LMF1: variants seen among roughly 807,000 people sequenced by gnomAD.
LMF1 encodes lipase maturation factor 1.
In LMF1, 68 loss-of-function variants were observed where a neutral mutation model predicts 60.6. The ratio of observed to expected loss-of-function variants is 1.12; its 90% CI spans 0.92 to 1.37. LMF1 has a LOEUF of 1.37. LMF1 is among the 40% of genes most tolerant of loss of function. LMF1 has a pLI of 0.00. For missense variants in LMF1, 948 were observed against 767.2 expected, an observed-to-expected ratio of 1.24 and a Z score of -2.78; for synonymous variants, 418 against 324.7, an observed-to-expected ratio of 1.29 and a Z score of -3.09.
chr16:922,563 G>C (rs1238290038), intron 3 of LMF1, among the ~76,000 whole-genome samples: 2 of 150,346 alleles, frequency 1.3e-5, no homozygotes, highest in African/African-American at 2.4e-5. Context: ...GTGTCGTGTT[G>C]TTGCGAAGGC....
intron 3 of LMF1, among the ~76,000 whole-genome samples, chr16:930,467 G>C (rs1010826633): frequency 6.6e-6 from 1 of 151,914 alleles, no homozygotes; most frequent in Non-Finnish European, 1.5e-5. Flanking sequence ...AGGCTGAGGC[G>C]GGAGGATCGC....
At chr16:937,454 T>C (rs9328932) in intron 2 of LMF1, among the ~76,000 whole-genome samples, 72,405 of 151,984 alleles carry the variant, frequency 0.48, 18,897 homozygotes, top group African/African-American at 0.69. Context: ...CCTGTGAGCC[T>C]CCACACCTGA....
intron 5 of LMF1, among the ~76,000 whole-genome samples, chr16:880,424 C>T (rs1280919495): frequency 6.6e-6 from 1 of 152,220 alleles, no homozygotes; most frequent in African/African-American, 2.4e-5. Flanking sequence ...GTGATCCCAG[C>T]ACTTTGGGAG....
upstream of LMF1, chr16:975,677 T>G: frequency 2.5e-6 from 1 of 395,196 alleles, no homozygotes; most frequent in Non-Finnish European, 5.0e-6. Context: ...TGCTCCCACT[T>G]TGCCCCTCGT....
rs894328958 is a variant in LMF1 at position 879,282 on chromosome 16, G to A, written c.897+288C>T. 5.9e-5 allele frequency among the ~76,000 whole-genome samples: 9 copies of A among 152,206 alleles called. No individual in the cohort carries two copies. The East Asian group carries it at 7.7e-4, about 13-fold the overall frequency. The stretch of plus-strand genomic sequence containing the variant: ...CACAGGGCCTTGGCGTGCTGACCCC[G>A]TCCCACTGCCGAGCCCAGGACATGG... On this transcript the variant is annotated intron_variant, in intron 6 of 10. Coordinates refer to ENST00000262301, the MANE Select transcript of LMF1 (RefSeq NM_022773.4).
chr16:855,853 G>C lies in LMF1; in HGVS notation c.1530-1147C>G, dbSNP rs902353564. On this transcript the variant is annotated intron_variant, in intron 10 of 10. Coordinates refer to ENST00000262301, the MANE Select transcript of LMF1 (RefSeq NM_022773.4). ...GGTGACCTGCACACAGCTGTGCTCTGGGGGCTGGGGGTGGAGACCTTGGGC... is the reference window on the plus strand; with the variant it reads ...GGTGACCTGCACACAGCTGTGCTCTCGGGGCTGGGGGTGGAGACCTTGGGC... The C allele has an allele frequency of 1.1e-5, 5 of 456,006 alleles. No individual in the cohort carries two copies. The Admixed American group carries it at 1.2e-4, about 11-fold the overall frequency. The allele number at this position is 456,006 out of a possible 1,614,324, so 28.2% of individuals were successfully genotyped here. A position where few individuals can be genotyped will look rare whatever the true frequency, so the allele number is the denominator to read the frequency against.
upstream of LMF1, among the ~76,000 whole-genome samples, chr16:975,016 A>AC (rs149234002): frequency 0.05 from 7,622 of 152,184 alleles, 207 homozygotes; most frequent in Non-Finnish European, 0.066. Flanking sequence ...CCAGCGGCCA[A>AC]CCCCCCCACC....
chr16:854,813 C>G (rs2069143873), intron 10 of LMF1, 107 bp from the exon 11 acceptor site: 2 of 1,068,912 alleles, frequency 1.9e-6, no homozygotes, highest in East Asian at 5.2e-5. Context: ...CCCCCACGGA[C>G]AGAGGGGCTG....
chr16:894,570 A>G (rs1003698763), intron 4 of LMF1, among the ~76,000 whole-genome samples: 5 of 152,170 alleles, frequency 3.3e-5, no homozygotes, highest in African/African-American at 1.2e-4. Flanking sequence ...GACAAGGCGC[A>G]GAGAGGAAGG....
rs1313278769 is a variant in LMF1, at chr16:853,683, C to T, written c.*849G>A. 1 of 454,094 alleles carries T rather than the reference C, an allele frequency of 2.2e-6. No homozygotes were observed. The highest frequency in any genetic ancestry group is 4.4e-6 in the Non-Finnish European group (1 of 226,750). The allele number at this position is 454,094 out of a possible 1,614,324, so 28.1% of individuals were successfully genotyped here. The stretch of plus-strand genomic sequence containing the variant: ...ATAATAGGAATAGTAGAAGAATATG[C>T]CATAGCTATGGCTCAAGAATAGGAA... On this transcript the variant is annotated 3_prime_UTR_variant, in exon 11 of 11. Transcript: ENST00000262301.
chr16:869,159 T>C, intron 9 of LMF1, 103 bp from the exon 10 acceptor site: 2 of 817,730 alleles, frequency 2.4e-6, no homozygotes, highest in Non-Finnish European at 4.3e-6. Context: ...GAGGCTTTCC[T>C]GGAGGTGGGT....
intron 6 of LMF1, among the ~76,000 whole-genome samples, chr16:877,934 T>A (rs1449591511): frequency 6.6e-6 from 1 of 151,824 alleles, no homozygotes; most frequent in East Asian, 1.9e-4. Context: ...ATTTACAACA[T>A]CAACAAAAAG....
intron 3 of LMF1, among the ~76,000 whole-genome samples, chr16:911,957 G>C (rs111344008): frequency 2.0e-5 from 3 of 152,142 alleles, no homozygotes; most frequent in African/African-American, 7.2e-5. Context: ...ATGCGGATGC[G>C]GGTCGCCATT....
At chr16:860,233 C>G (rs1158941384) in intron 10 of LMF1, among the ~76,000 whole-genome samples, 1 of 152,008 alleles carries the variant, frequency 6.6e-6, no homozygotes, top group Non-Finnish European at 1.5e-5. Context: ...GGAGCAAATG[C>G]TTTTAATTTT....
intron 3 of LMF1, among the ~76,000 whole-genome samples, chr16:922,205 C>T (rs754131142): frequency 3.3e-5 from 5 of 152,218 alleles, no homozygotes; most frequent in Non-Finnish European, 5.9e-5. Context: ...GCAGCAACCA[C>T]CCAGGGGCTT....
chr16:952,267 C>G lies in LMF1; in HGVS notation c.503+2090G>C, dbSNP rs55857828. ...CAGCAACAGCCACACAGTGGGGACCCCCCTTACAAGTGCCCACTCCAGCAC... is the reference window on the plus strand; with the variant it reads ...CAGCAACAGCCACACAGTGGGGACCGCCCTTACAAGTGCCCACTCCAGCAC... On this transcript the variant is annotated intron_variant, in intron 2 of 10. Coordinates refer to ENST00000262301, the MANE Select transcript of LMF1 (RefSeq NM_022773.4). Among the ~76,000 whole-genome samples, 1,479 of 152,096 alleles carry G rather than the reference C, an allele frequency of 9.7e-3. 11 individuals are homozygous for G. Among genetic ancestry groups the G allele is most frequent in the Non-Finnish European group, 0.015 (996 of 67,980 alleles).
chr16:980,087 AACTCGCGC>A (rs1471443235), intron 1 of LMF1: 1 of 290,626 alleles, frequency 3.4e-6, no homozygotes, highest in East Asian at 9.6e-5. Context: ...GGAGCCTCCC[AACTCGCGC>A]ACTCCGTCTC....
chr16:971,699 G>A (rs1459225490), upstream of LMF1, among the ~76,000 whole-genome samples: 1 of 152,180 alleles, frequency 6.6e-6, no homozygotes, highest in African/African-American at 2.4e-5. Context: ...TCTGATGACT[G>A]GAGCGGGGTT....
At chr16:981,094 G>C in intron 1 of LMF1, 1 of 368,752 alleles carries the variant, frequency 2.7e-6, no homozygotes, top group Non-Finnish European at 5.5e-6. Context: ...GTATGGGCAG[G>C]GCGGCCCGGG....
Sources: allele counts gnomAD v4.1 joint callset (sites outside exome capture counted in the v4.1 genomes callset), GRCh38; gene constraint gnomAD v4.1.1; transcripts MANE v1.5; gene names NCBI Gene and HGNC (gene_info 2026-07-23, HGNC 2026-07-21).